Variants in MPHOSPH9 observed in about 807,000 individuals in gnomAD.
MPHOSPH9 encodes M-phase phosphoprotein 9.
In MPHOSPH9, 88 loss-of-function variants were observed where a neutral mutation model predicts 145.5. The ratio of observed to expected loss-of-function variants is 0.60; its 90% CI spans 0.51 to 0.72. The LOEUF (loss-of-function observed/expected upper bound fraction) is 0.72, where lower values mean the gene tolerates loss of function less well. MPHOSPH9 is among the 30% of genes least tolerant of loss of function. MPHOSPH9 has a pLI of 0.00. For missense variants in MPHOSPH9, 1,238 were observed against 1,386.6 expected (o/e 0.89, Z 1.70); for synonymous variants, 435 against 486.2 (o/e 0.89, Z 1.39).
At chr12:123,226,377 C>T in intron 3 of MPHOSPH9, 1 of 1,062,180 alleles carries the variant, frequency 9.4e-7, no homozygotes, top group Non-Finnish European at 1.2e-6. Context: ...AATTATGCTT[C>T]TAAAAGTACA....
chr12:123,173,701 C>G (rs914537717), intron 16 of MPHOSPH9, among the ~76,000 whole-genome samples: 1 of 152,238 alleles, frequency 6.6e-6, no homozygotes, highest in African/African-American at 2.4e-5. Context: ...CATCCACGCA[C>G]TGAGGGGGCA....
In MPHOSPH9 at chr12:123,160,550, T is replaced by C. The variant is rs924749245; in HGVS notation, c.3450+231A>G. ...TTAGTTTCTTGAAAATACAAGGGCA[T>C]GAACACCTTCTTCTCTAAGTCTAAA... On this transcript the variant is annotated intron_variant, in intron 23 of 23. Transcript: ENST00000606320. The C allele has an allele frequency of 8.3e-6, 4 of 484,084 alleles. No individual in the cohort carries two copies. The East Asian group carries it at 9.8e-5, about 12-fold the overall frequency. 30.0% of individuals were successfully genotyped at this position (484,084 alleles called of 1,614,324 possible).
intron 16 of MPHOSPH9, among the ~76,000 whole-genome samples, chr12:123,175,854 TC>T (rs1236157572): frequency 1.3e-4 from 20 of 151,746 alleles, no homozygotes; most frequent in African/African-American, 4.6e-4. Flanking sequence ...TTTCCTATGT[TC>T]TACTAAGATT....
chr12:123,210,829 G>A (rs1372610233), intron 7 of MPHOSPH9, among the ~76,000 whole-genome samples: 1 of 151,920 alleles, frequency 6.6e-6, no homozygotes, highest in East Asian at 1.9e-4. Flanking sequence ...GTCTCGCTCT[G>A]TTGCCCAAGA....
At chr12:123,191,792 C>T (rs932324933) in intron 13 of MPHOSPH9, among the ~76,000 whole-genome samples, 1 of 152,198 alleles carries the variant, frequency 6.6e-6, no homozygotes, top group Non-Finnish European at 1.5e-5. Flanking sequence ...TCTGACATGT[C>T]TCCCACTGGC....
At chr12:123,162,515 G>A in intron 20 of MPHOSPH9, 1 of 197,356 alleles carries the variant, frequency 5.1e-6, no homozygotes, top group East Asian at 1.3e-4. Context: ...AGGAAACTGA[G>A]GTTCAATGTG....
intron 16 of MPHOSPH9, among the ~76,000 whole-genome samples, chr12:123,168,626 G>A (rs550767913): frequency 3.3e-5 from 5 of 152,032 alleles, no homozygotes; most frequent in African/African-American, 7.2e-5. Context: ...ACAGGTGTGC[G>A]CCAACGCACC....
At chr12:123,222,281 T>C (rs1470310766) in intron 4 of MPHOSPH9, among the ~76,000 whole-genome samples, 1 of 150,160 alleles carries the variant, frequency 6.7e-6, no homozygotes, top group East Asian at 2.0e-4. Context: ...GCTAAAATCA[T>C]GTCACTGCAC....
Position 123,154,260 on chromosome 12 carries a change from G to A in MPHOSPH9, c.*2547C>T, listed in dbSNP as rs2043820869. 1.3e-5 allele frequency: 2 copies of A among 149,532 alleles called. No individual in the cohort carries two copies. Among genetic ancestry groups the A allele is most frequent in the Admixed American group, 1.3e-4 (2 of 14,950 alleles). The allele number at this position is 149,532 out of a possible 1,614,324, so 9.3% of individuals were successfully genotyped here. ...TTAAACTATTAATACCTGCAGCAAAGCCCCAAGCCAACAACAAAAATAGTT... is the reference window on the plus strand; with the variant it reads ...TTAAACTATTAATACCTGCAGCAAAACCCCAAGCCAACAACAAAAATAGTT... On this transcript the variant is annotated 3_prime_UTR_variant, in exon 24 of 24. Coordinates refer to ENST00000606320, the MANE Select transcript of MPHOSPH9 (RefSeq NM_022782.4).
intron 3 of MPHOSPH9, among the ~76,000 whole-genome samples, chr12:123,224,631 T>C (rs902174297): frequency 2.6e-5 from 4 of 152,178 alleles, no homozygotes; most frequent in Non-Finnish European, 4.4e-5. Flanking sequence ...GTCACGGTCA[T>C]GACAAAGCTG....
At chr12:123,230,147 TA>T (rs145597491) in intron 2 of MPHOSPH9, 113 bp downstream of exon 2, 2 of 664,590 alleles carry the variant, frequency 3.0e-6, no homozygotes, top group Non-Finnish European at 4.8e-6. Flanking sequence ...GATGATAGGT[TA>T]AAAAATAATA....
rs1168345423 is a variant in MPHOSPH9, at chr12:123,156,174, A to G, written c.*633T>C. 6.6e-6 allele frequency: 1 copy of G among 152,236 alleles called. No individual in the cohort carries two copies. Among genetic ancestry groups the G allele is most frequent in the African/African-American group, 2.4e-5 (1 of 41,456 alleles). The allele number at this position is 152,236 out of a possible 1,614,324, so 9.4% of individuals were successfully genotyped here. A position where few individuals can be genotyped will look rare whatever the true frequency, so the allele number is the denominator to read the frequency against. On this transcript the variant is annotated 3_prime_UTR_variant, in exon 24 of 24. Coordinates refer to ENST00000606320, the MANE Select transcript of MPHOSPH9 (RefSeq NM_022782.4). ...TTTTTAGAAAAGATAAAATTAGAGA[A>G]TTACAATCTCTCTTTTTTCTCTTAC...
At chr12:123,222,558 G>A (rs1478790115) in intron 4 of MPHOSPH9, among the ~76,000 whole-genome samples, 1 of 152,128 alleles carries the variant, frequency 6.6e-6, no homozygotes, top group Admixed American at 6.6e-5. Flanking sequence ...GGAGGCTGGA[G>A]CAGGAGAATT....
chr12:123,183,672 TGA>T lies in MPHOSPH9; in HGVS notation c.2242-2464_2242-2463del, dbSNP rs548191975. Among the ~76,000 whole-genome samples, 23 of 150,518 alleles carry T rather than the reference TGA, an allele frequency of 1.5e-4. No individual in the cohort carries two copies. In the East Asian group the frequency reaches 4.1e-3, roughly 27 times the overall value. On this transcript the variant is annotated intron_variant, in intron 13 of 23. Transcript: ENST00000606320. ...AAGCAGGCTGATGTCAGCATAACTG[TGA>T]GAGATGCCCACCTTGAAACCCAGGT...
At chr12:123,226,336 T>G in intron 3 of MPHOSPH9, 1 of 1,173,336 alleles carries the variant, frequency 8.5e-7, no homozygotes, top group Non-Finnish European at 1.1e-6. Flanking sequence ...ATCTTTCATT[T>G]CGCTTACTCT....
chr12:123,156,943 T>C (rs765276252), intron 23 of MPHOSPH9, 35 bp from the exon 24 acceptor site: 1 of 1,525,638 alleles, frequency 6.6e-7, no homozygotes, highest in Admixed American at 1.7e-5. Context: ...TTAATTAGAA[T>C]TCTATACCAA....
At chr12:123,167,575 T>C (rs2044371946) in intron 16 of MPHOSPH9, among the ~76,000 whole-genome samples, 1 of 152,166 alleles carries the variant, frequency 6.6e-6, no homozygotes, top group Non-Finnish European at 1.5e-5. Context: ...CCTTTGTCTT[T>C]TAAAGTTTCC....
chr12:123,194,147 T>A (rs1328912324), intron 13 of MPHOSPH9, among the ~76,000 whole-genome samples: 2 of 152,100 alleles, frequency 1.3e-5, no homozygotes, highest in African/African-American at 4.8e-5. Context: ...TGGGCTCCTG[T>A]AATTCCAGCT....
chr12:123,193,823 G>GTTT lies in MPHOSPH9; in HGVS notation c.2241+560_2241+562dup, dbSNP rs35393288. On this transcript the variant is annotated intron_variant, in intron 13 of 23. Coordinates refer to ENST00000606320, the MANE Select transcript of MPHOSPH9 (RefSeq NM_022782.4). ...TGAAAGTTGACCTGATGCAGACACA[G>GTTT]TTTTTTTTTTTTTTTTAAGTTGACC... 2.0e-4 allele frequency among the ~76,000 whole-genome samples: 29 copies of GTTT among 146,292 alleles called. 1 individual carries two copies. Among genetic ancestry groups the GTTT allele is most frequent in the Non-Finnish European group, 3.0e-4 (20 of 66,702 alleles).
Sources: gnomAD v4.1 joint callset for allele counts (sites outside exome capture counted in the v4.1 genomes callset) on GRCh38, gnomAD v4.1.1 for gene constraint, MANE v1.5 for transcripts, NCBI Gene and HGNC (gene_info 2026-07-23, HGNC 2026-07-21) for gene names.